The following CAPN1 variants were observed in gnomAD, a reference collection of about 807,000 sequenced individuals.
CAPN1 encodes calpain-1 catalytic subunit.
Under a neutral mutation model 105.2 loss-of-function variants are expected in CAPN1, and 77 were observed. The ratio of observed to expected loss-of-function variants is 0.73; its 90% CI spans 0.61 to 0.88. The LOEUF (loss-of-function observed/expected upper bound fraction) is 0.88. CAPN1 is among the 40% of genes least tolerant of loss of function. The pLI, the probability that CAPN1 is intolerant of heterozygous loss-of-function variation, is 0.00. For missense variants in CAPN1, 833 were observed against 976.6 expected (o/e 0.85, Z 1.96); for synonymous variants, 355 against 388.8 (o/e 0.91, Z 1.02).
chr11:65,211,375 C>A lies in CAPN1; in HGVS notation c.*89C>A. On this transcript the variant is annotated 3_prime_UTR_variant, in exon 22 of 22. Coordinates refer to ENST00000279247, the MANE Select transcript of CAPN1 (RefSeq NM_005186.4). ...ACCACACCACACCAGGCCACCCCAG[C>A]TGCAAGTGCCTTCCTTGGAGCAGAG... 7.8e-7 allele frequency: 1 copy of A among 1,284,766 alleles called. No homozygotes were observed. The highest frequency in any genetic ancestry group is 1.1e-6 in the Non-Finnish European group (1 of 899,622). 79.6% of individuals were successfully genotyped at this position (1,284,766 alleles called of 1,614,324 possible).
intron 10 of CAPN1, among the ~76,000 whole-genome samples, chr11:65,195,100 G>GTTTT (rs60778423): frequency 1.1e-5 from 1 of 90,904 alleles, no homozygotes; most frequent in Non-Finnish European, 2.5e-5. Context: ...GTTTTTTGGG[G>GTTTT]TTTTTTTTTT....
chr11:65,186,115 G>T, intron 5 of CAPN1, 55 bp from the exon 6 acceptor site: 1 of 1,606,954 alleles, frequency 6.2e-7, no homozygotes, highest in Non-Finnish European at 8.5e-7. Flanking sequence ...GCTCATGACT[G>T]TCTTCTCAGA....
intron 10 of CAPN1, among the ~76,000 whole-genome samples, chr11:65,202,417 T>G (rs926657127): frequency 2.0e-5 from 3 of 151,842 alleles, no homozygotes; most frequent in Non-Finnish European, 4.4e-5. Context: ...TGAAGTATAT[T>G]ACGATTTTAT....
intron 10 of CAPN1, among the ~76,000 whole-genome samples, chr11:65,189,540 C>A (rs1245360368): frequency 3.3e-5 from 5 of 152,248 alleles, no homozygotes; most frequent in Non-Finnish European, 4.4e-5. Context: ...TAGTCTTCAA[C>A]CCTTCGACCA....
chr11:65,206,881 G>A, intron 14 of CAPN1, 62 bp downstream of exon 14: 1 of 1,499,934 alleles, frequency 6.7e-7, no homozygotes, highest in Non-Finnish European at 9.1e-7. Context: ...GGTGTGTGAT[G>A]GGGACCCAGG....
Position 65,193,476 on chromosome 11 carries a change from T to A in CAPN1, c.1165+4730T>A, listed in dbSNP as rs866891255. Among the ~76,000 whole-genome samples, 9 of 151,342 alleles carry A rather than the reference T, an allele frequency of 5.9e-5. 1 individual carries two copies. In the South Asian group the frequency reaches 1.9e-3, roughly 32 times the overall value. On this transcript the variant is annotated intron_variant, in intron 10 of 21. Transcript: ENST00000279247. ...CTGGCCAACACAGTGAAACCCCGTC[T>A]CTACTAAAAATACAAAAAATTAGCC...
At chr11:65,197,102 G>T (rs928181271) in intron 10 of CAPN1, among the ~76,000 whole-genome samples, 14 of 152,218 alleles carry the variant, frequency 9.2e-5, no homozygotes, top group African/African-American at 2.7e-4. Context: ...AACCCAGGCA[G>T]AGGGATCCTG....
intron 10 of CAPN1, among the ~76,000 whole-genome samples, chr11:65,194,984 C>G (rs1354394956): frequency 6.6e-6 from 1 of 152,094 alleles, no homozygotes; most frequent in Non-Finnish European, 1.5e-5. Flanking sequence ...ATATCCCCAC[C>G]AACAACATGT....
rs1949034238 is a variant in CAPN1 at position 65,210,625 on chromosome 11, G to A, written c.2059+173G>A. On this transcript the variant is annotated intron_variant, in intron 20 of 21. Transcript: ENST00000279247. This position sits in a 1 kb window ranked among gnomAD's most constrained non-coding sequence, Gnocchi z 4.3. ...CCCTGGCTGAGTGCCAGGAGAGTCG[G>A]GGAGGGAGGGAGTTGACAGTGGCTT... 6.6e-6 allele frequency among the ~76,000 whole-genome samples: 1 copy of A among 152,162 alleles called. No individual in the cohort carries two copies. The highest frequency in any genetic ancestry group is 2.4e-5 in the African/African-American group (1 of 41,424).
chr11:65,194,582 A>C (rs554775140), intron 10 of CAPN1, among the ~76,000 whole-genome samples: 1 of 151,628 alleles, frequency 6.6e-6, no homozygotes, highest in African/African-American at 2.4e-5. Flanking sequence ...ATTGGCCATC[A>C]CTTTCTATCC....
At chr11:65,192,984 C>A (rs1276811265) in intron 10 of CAPN1, among the ~76,000 whole-genome samples, 5 of 141,038 alleles carry the variant, frequency 3.5e-5, no homozygotes, top group African/African-American at 1.3e-4. Flanking sequence ...TTAATATACT[C>A]TTTTTTTTTT....
intron 4 of CAPN1, among the ~76,000 whole-genome samples, chr11:65,184,792 C>T (rs1424444722): frequency 6.6e-6 from 1 of 152,186 alleles, no homozygotes; most frequent in Non-Finnish European, 1.5e-5. Flanking sequence ...GCTTTTCCAC[C>T]TCTCCGTGCC....
chr11:65,198,984 A>G (rs560672398), intron 10 of CAPN1, among the ~76,000 whole-genome samples: 89 of 152,146 alleles, frequency 5.8e-4, no homozygotes, highest in Admixed American at 2.4e-3. Flanking sequence ...CTAGGTGTGC[A>G]CCACCACATC....
At position 65,187,981 on chromosome 11, in the gene CAPN1, C is replaced by T. The variant is rs1948660807; in HGVS notation, c.870C>T (p.Ser290=). 1.9e-6 allele frequency: 3 copies of T among 1,562,916 alleles called. No individual in the cohort carries two copies. The highest frequency in any genetic ancestry group is 1.9e-5 in the Admixed American group (1 of 52,648). The part of the protein sequence containing the change: ...KQVNYRGQVV[S]LIRMRNPWGE... ...TGAACTACCGAGGCCAGGTGGTGAG[C>T]CTGATCCGGATGCGGAACCCCTGGG... Residue 290 remains serine, a synonymous_variant, in exon 8 of 22, where the codon AGC becomes AGT. Transcript: ENST00000279247.
At chr11:65,195,551 G>GT (rs1480938269) in intron 10 of CAPN1, among the ~76,000 whole-genome samples, 1 of 151,944 alleles carries the variant, frequency 6.6e-6, no homozygotes, top group Non-Finnish European at 1.5e-5. Flanking sequence ...ACTTTCCTTT[G>GT]TTGAACTACC....
intron 10 of CAPN1, among the ~76,000 whole-genome samples, chr11:65,195,234 C>G (rs1948777493): frequency 1.3e-5 from 2 of 151,420 alleles, no homozygotes; most frequent in Admixed American, 1.3e-4. Flanking sequence ...CTCAGCCTCC[C>G]TTAGTCCCTA....
intron 10 of CAPN1, among the ~76,000 whole-genome samples, chr11:65,190,744 G>T (rs1948708990): frequency 6.8e-6 from 1 of 146,316 alleles, no homozygotes; most frequent in African/African-American, 2.5e-5. Context: ...ACGGAGTCTT[G>T]CTCTGTTGCC....
At chr11:65,192,984 C>CA (rs1948739045) in intron 10 of CAPN1, among the ~76,000 whole-genome samples, 1 of 141,014 alleles carries the variant, frequency 7.1e-6, no homozygotes. Flanking sequence ...TTAATATACT[C>CA]TTTTTTTTTT....
intron 10 of CAPN1, among the ~76,000 whole-genome samples, chr11:65,199,687 C>G (rs1948839896): frequency 6.6e-6 from 1 of 152,078 alleles, no homozygotes; most frequent in Non-Finnish European, 1.5e-5. Flanking sequence ...TTCTTTTTTG[C>G]TCTGTCAAAT....
Sources: gnomAD v4.1 joint callset for allele counts (sites outside exome capture counted in the v4.1 genomes callset) on GRCh38, gnomAD v4.1.1 for gene constraint, Gnocchi (gnomAD v3.1) non-coding constraint, MANE v1.5 for transcripts, NCBI Gene and HGNC (gene_info 2026-07-23, HGNC 2026-07-21) for gene names.